Variants in PRKAR2A observed in about 807,000 individuals in gnomAD.
The protein encoded by PRKAR2A is protein kinase cAMP-dependent type II regulatory subunit alpha, also known as cAMP-dependent protein kinase type II-alpha regulatory subunit.
In PRKAR2A, 29 loss-of-function variants were observed where a neutral mutation model predicts 51.9. The ratio of observed to expected loss-of-function variants is 0.56; its 90% CI spans 0.42 to 0.76. The LOEUF is 0.76. Among genes scored for constraint, PRKAR2A ranks in the 30% least tolerant of loss-of-function variants. PRKAR2A has a pLI of 0.00. For synonymous variants in PRKAR2A, 178 were observed against 186.2 expected, an observed-to-expected ratio of 0.96 and a Z score of 0.36; for missense variants, 445 against 512.1, an observed-to-expected ratio of 0.87 and a Z score of 1.26.
downstream of PRKAR2A, among the ~76,000 whole-genome samples, chr3:48,745,736 A>G (rs1449700635): frequency 6.6e-6 from 1 of 151,890 alleles, no homozygotes; most frequent in African/African-American, 2.4e-5. Flanking sequence ...ACTGGGTTTC[A>G]CCATGTTGGC....
Position 48,751,468 on chromosome 3 carries a change from T to C in PRKAR2A, c.*117A>G, listed in dbSNP as rs757703587. The C allele has an allele frequency of 4.9e-6, 7 of 1,435,302 alleles. No homozygotes were observed. The African/African-American group carries it at 8.4e-5, about 17-fold the overall frequency. The allele number at this position is 1,435,302 out of a possible 1,614,324, so 88.9% of individuals were successfully genotyped here. Reference sequence around the variant, plus strand: ...TTCTAAATGCCCATAACCACAGCAATGGCAGCAGTGGCGGCAACGGCAGGA... The same window carrying C: ...TTCTAAATGCCCATAACCACAGCAACGGCAGCAGTGGCGGCAACGGCAGGA... On this transcript the variant is annotated 3_prime_UTR_variant, in exon 11 of 11. Transcript: ENST00000265563.
At chr3:48,800,099 C>A (rs2082561847) in intron 2 of PRKAR2A, among the ~76,000 whole-genome samples, 1 of 151,362 alleles carries the variant, frequency 6.6e-6, no homozygotes, top group African/African-American at 2.4e-5. Context: ...ACCTTGTGAT[C>A]CACCCGCCTT....
rs2230509 is a variant in PRKAR2A, at chr3:48,765,032, T to C, written c.845A>G (p.Tyr282Cys). The change falls in exon 8 of 11, where the codon TAT becomes TGT. Residue 282 changes from tyrosine to cysteine, a missense_variant. By Grantham distance (194) the Tyr-to-Cys change is radical (BLOSUM62 -2). Transcript: ENST00000265563. ...AGTGATTATGCGTTCTCCATCCTTA[T>C]AGATCTTCTCTCCTATTACATCCAC... ...KIVDVIGEKI[Y>C]KDGERIITQG... 1.6e-3 allele frequency: 2,612 copies of C among 1,614,204 alleles called. 2 individuals carry two copies. Among genetic ancestry groups the C allele is most frequent in the Non-Finnish European group, 2.0e-3 (2,350 of 1,180,000 alleles).
intron 1 of PRKAR2A, among the ~76,000 whole-genome samples, chr3:48,823,323 G>C (rs374088947): frequency 4.6e-5 from 7 of 152,004 alleles, no homozygotes; most frequent in South Asian, 4.1e-4. Flanking sequence ...GGGGTGTCGG[G>C]GGGGTGCTGT....
chr3:48,812,729 G>A (rs983016798), intron 1 of PRKAR2A, among the ~76,000 whole-genome samples: 2 of 152,252 alleles, frequency 1.3e-5, no homozygotes, highest in Admixed American at 6.5e-5. Context: ...TGATCCGCCC[G>A]CTTTGGCCTC....
intron 1 of PRKAR2A, among the ~76,000 whole-genome samples, chr3:48,827,190 A>G (rs1345747540): frequency 6.6e-6 from 1 of 152,122 alleles, no homozygotes; most frequent in African/African-American, 2.4e-5. Flanking sequence ...AAACCAACCA[A>G]CTAGTTGAGC....
Position 48,817,025 on chromosome 3 carries a change from T to A in PRKAR2A, c.263-9341A>T, listed in dbSNP as rs1047923678. Among the ~76,000 whole-genome samples the A allele has an allele frequency of 4.6e-5, 7 of 151,744 alleles. No homozygotes were observed. In the East Asian group the frequency reaches 5.8e-4, roughly 13 times the overall value. ...AGCAAGATCTTATCTCTTTAAAAAA[T>A]AATAATAATAATAAGGTAATAGGCT... On this transcript the variant is annotated intron_variant, in intron 1 of 10. Coordinates refer to ENST00000265563, the MANE Select transcript of PRKAR2A (RefSeq NM_004157.4).
chr3:48,830,528 A>C (rs994129514), intron 1 of PRKAR2A, among the ~76,000 whole-genome samples: 2 of 152,146 alleles, frequency 1.3e-5, no homozygotes, highest in Non-Finnish European at 2.9e-5. Flanking sequence ...TAAACCAATA[A>C]CATAATTATT....
At chr3:48,796,608 C>T (rs1010655634) in intron 2 of PRKAR2A, among the ~76,000 whole-genome samples, 1 of 151,736 alleles carries the variant, frequency 6.6e-6, no homozygotes, top group African/African-American at 2.4e-5. Context: ...GATTCTCCTG[C>T]TTCAGCCTCC....
chr3:48,798,478 T>G (rs570938142), intron 2 of PRKAR2A, among the ~76,000 whole-genome samples: 98 of 152,316 alleles, frequency 6.4e-4, no homozygotes, highest in Non-Finnish European at 1.1e-3. Flanking sequence ...CATCAAATTC[T>G]GCTTCAGAAA....
chr3:48,829,788 AAT>A (rs2083149061), intron 1 of PRKAR2A, among the ~76,000 whole-genome samples: 1 of 137,106 alleles, frequency 7.3e-6, no homozygotes, highest in Middle Eastern at 3.8e-3. Context: ...ATGTATATAA[AAT>A]ATATGCGTAT....
intron 1 of PRKAR2A, among the ~76,000 whole-genome samples, chr3:48,812,627 C>T (rs1277549348): frequency 5.3e-5 from 8 of 151,910 alleles, no homozygotes; most frequent in African/African-American, 1.5e-4. Context: ...GGACTACAGG[C>T]GCCTGCCACC....
At chr3:48,797,501 C>T (rs1352133572) in intron 2 of PRKAR2A, among the ~76,000 whole-genome samples, 3 of 152,154 alleles carry the variant, frequency 2.0e-5, no homozygotes, top group Non-Finnish European at 4.4e-5. Flanking sequence ...CTTCCCTTTC[C>T]TCATCGATTC....
chr3:48,762,104 T>G (rs1310749102), intron 8 of PRKAR2A, among the ~76,000 whole-genome samples: 1 of 152,122 alleles, frequency 6.6e-6, no homozygotes, highest in Admixed American at 6.6e-5. Flanking sequence ...ATTAAAACCA[T>G]TTTCTCTTCA....
intron 6 of PRKAR2A, among the ~76,000 whole-genome samples, chr3:48,769,778 C>T (rs560921155): frequency 1.7e-4 from 25 of 151,124 alleles, no homozygotes; most frequent in Middle Eastern, 3.4e-3. Context: ...GCCCGGCAAG[C>T]GACTTTTTTT....
intron 8 of PRKAR2A, 36 bp from the exon 9 acceptor site, chr3:48,756,480 T>G: frequency 6.6e-7 from 1 of 1,508,388 alleles, no homozygotes; most frequent in South Asian, 1.1e-5. Flanking sequence ...GAGCCATAAG[T>G]AGTATTGAAG....
At chr3:48,783,152 AC>A in intron 4 of PRKAR2A, 60 bp from the exon 5 acceptor site, 1 of 1,088,416 alleles carries the variant, frequency 9.2e-7, no homozygotes, top group Non-Finnish European at 1.4e-6. Flanking sequence ...AAAAGCAGTG[AC>A]CATAATTATC....
intron 5 of PRKAR2A, among the ~76,000 whole-genome samples, chr3:48,776,460 T>C (rs2082106356): frequency 6.6e-6 from 1 of 152,176 alleles, no homozygotes; most frequent in African/African-American, 2.4e-5. Flanking sequence ...TACATGTTTC[T>C]ATATATATCA....
chr3:48,847,682 C>A lies in PRKAR2A; in HGVS notation c.-86G>T. On this transcript the variant is annotated 5_prime_UTR_variant, in exon 1 of 11. Coordinates refer to ENST00000265563, the MANE Select transcript of PRKAR2A (RefSeq NM_004157.4). This position sits in a 1 kb window ranked among gnomAD's most constrained non-coding sequence, Gnocchi z 4.4. ...ACTCACGCCGGCCTTTCGCTCCGCG[C>A]CCGCGAGGTCTCTTCGCGCACGGCC... 1.5e-6 allele frequency: 2 copies of A among 1,296,530 alleles called. No homozygotes were observed. Among genetic ancestry groups the A allele is most frequent in the South Asian group, 1.7e-5 (1 of 57,462 alleles). The allele number at this position is 1,296,530 out of a possible 1,614,324, so 80.3% of individuals were successfully genotyped here.
Sources: allele counts gnomAD v4.1 joint callset (sites outside exome capture counted in the v4.1 genomes callset), GRCh38; gene constraint gnomAD v4.1.1; non-coding constraint Gnocchi (gnomAD v3.1); transcripts MANE v1.5; gene names NCBI Gene and HGNC (gene_info 2026-07-23, HGNC 2026-07-21).